The following DMD variants were observed in gnomAD, a reference collection of about 807,000 sequenced individuals.
The protein encoded by DMD is mutant dystrophin.
A neutral mutation model predicts 330.1 loss-of-function variants in DMD; 63 were observed. The ratio of observed to expected loss-of-function variants is 0.19; its 90% CI spans 0.16 to 0.24. The LOEUF (loss-of-function observed/expected upper bound fraction) is 0.24. Ranked by LOEUF, DMD falls within the 10% of genes least tolerant of loss-of-function variation. The probability of loss-of-function intolerance (pLI) is 1.00; values close to 1 mark genes in which losing one functional copy is unlikely to be tolerated. For synonymous variants in DMD, 1,223 were observed against 959.8 expected, an observed-to-expected ratio of 1.27 and a Z score of -5.07; for missense variants, 3,344 against 2,684.1, an observed-to-expected ratio of 1.25 and a Z score of -5.43.
intron 62 of DMD, among the ~76,000 whole-genome samples, chrX:31,308,110 T>G (rs1377442833): frequency 9.0e-6 from 1 of 111,724 alleles, no homozygotes; most frequent in Non-Finnish European, 1.9e-5. Flanking sequence ...CAGGCAGTAA[T>G]GTTCACTTGC....
intron 44 of DMD, among the ~76,000 whole-genome samples, chrX:32,038,533 T>A (rs1016130727): frequency 2.7e-5 from 3 of 110,858 alleles, no homozygotes; most frequent in African/African-American, 9.8e-5. Context: ...AGGGACAAAG[T>A]CAATTAGAGG....
At chrX:32,952,862 C>T (rs1023455825) in intron 2 of DMD, among the ~76,000 whole-genome samples, 4 of 110,215 alleles carry the variant, frequency 3.6e-5, no homozygotes, top group African/African-American at 1.3e-4. Flanking sequence ...GGGCTGGGTG[C>T]GGTGGCTCAC....
At chrX:33,032,030 C>T (rs927218258) in intron 1 of DMD, among the ~76,000 whole-genome samples, 1 of 111,650 alleles carries the variant, frequency 9.0e-6, no homozygotes, top group Non-Finnish European at 1.9e-5. Flanking sequence ...TGGTAGTTTA[C>T]ATTATTTGCT....
chrX:32,581,020 T>C (rs1391949759), intron 13 of DMD, among the ~76,000 whole-genome samples: 1 of 110,952 alleles, frequency 9.0e-6, no homozygotes, highest in Non-Finnish European at 1.9e-5. Context: ...GAGATGGGGT[T>C]TCACCATGTT....
At chrX:32,253,419 G>A (rs904050560) in intron 43 of DMD, among the ~76,000 whole-genome samples, 1 of 110,331 alleles carries the variant, frequency 9.1e-6, no homozygotes. Context: ...GCTACATAGG[G>A]CATATGGCAG....
rs1263325852 is a variant in DMD at position 32,328,426 on chromosome X, A to C, written c.5922+13674T>G. Reference sequence around the variant, plus strand: ...ACCCTAATTCTACTCTTTTTTGTGTATTTTGTCTTGTTTTTGCTCCTCACA... The same window carrying C: ...ACCCTAATTCTACTCTTTTTTGTGTCTTTTGTCTTGTTTTTGCTCCTCACA... On this transcript the variant is annotated intron_variant, in intron 41 of 78. Coordinates refer to ENST00000357033, the MANE Select transcript of DMD (RefSeq NM_004006.3). Among the ~76,000 whole-genome samples the C allele has an allele frequency of 2.7e-5, 3 of 111,631 alleles. No individual in the cohort carries two copies. In the Admixed American group the frequency reaches 2.9e-4, roughly 11 times the overall value.
At chrX:32,922,501 G>A (rs1198022012) in intron 2 of DMD, among the ~76,000 whole-genome samples, 1 of 112,297 alleles carries the variant, frequency 8.9e-6, no homozygotes, top group Non-Finnish European at 1.9e-5. Flanking sequence ...TTTTTTCACA[G>A]ACTTGGGCTG....
chrX:32,534,345 C>T (rs1432488854), intron 17 of DMD, among the ~76,000 whole-genome samples: 3 of 111,271 alleles, frequency 2.7e-5, no homozygotes, highest in African/African-American at 3.3e-5. Flanking sequence ...ATCATGGGAG[C>T]GGATCCCTCA....
intron 44 of DMD, chrX:32,206,811 C>T (rs1443867946): frequency 2.1e-5 from 8 of 377,940 alleles, no homozygotes; most frequent in Non-Finnish European, 3.4e-5. Context: ...ATCTGGCTGT[C>T]GTTTTGATAA....
intron 63 of DMD, among the ~76,000 whole-genome samples, chrX:31,249,320 C>A (rs1430102121): frequency 4.5e-5 from 5 of 111,384 alleles, no homozygotes; most frequent in African/African-American, 1.6e-4. Context: ...TGGCTCACTG[C>A]AACCCGTGCC....
At chrX:32,177,249 G>T (rs746351174) in intron 44 of DMD, among the ~76,000 whole-genome samples, 2 of 111,820 alleles carry the variant, frequency 1.8e-5, no homozygotes, top group Admixed American at 1.9e-4. Flanking sequence ...TTCAGCGAAA[G>T]AAGTCTCTGA....
At chrX:32,628,519 C>T (rs1290401727) in intron 11 of DMD, among the ~76,000 whole-genome samples, 2 of 108,043 alleles carry the variant, frequency 1.9e-5, no homozygotes, top group Admixed American at 1.0e-4. Context: ...TAATGTATTT[C>T]AGCTCTGTTC....
intron 43 of DMD, among the ~76,000 whole-genome samples, chrX:32,244,955 C>T (rs1194491146): frequency 1.4e-5 from 1 of 73,849 alleles, no homozygotes; most frequent in Non-Finnish European, 2.4e-5. Flanking sequence ...TGCAGAAGCT[C>T]TTTAGTTTAA....
intron 27 of DMD, among the ~76,000 whole-genome samples, chrX:32,446,378 C>A (rs1332441409): frequency 9.2e-6 from 1 of 108,227 alleles, no homozygotes; most frequent in African/African-American, 3.3e-5. Flanking sequence ...CAAAAAATTT[C>A]AAAAGACAAA....
chrX:32,752,301 C>T (rs762168143), intron 7 of DMD, among the ~76,000 whole-genome samples: 2 of 111,161 alleles, frequency 1.8e-5, no homozygotes, highest in Admixed American at 9.6e-5. Context: ...CCACGTGAAC[C>T]CCTCTCTTGC....
chrX:33,176,109 G>T (rs766353214), intron 1 of DMD, among the ~76,000 whole-genome samples: 1 of 111,205 alleles, frequency 9.0e-6, no homozygotes, highest in African/African-American at 3.3e-5. Flanking sequence ...AGGAACAAAG[G>T]GTAACAATAA....
chrX:31,760,564 T>C (rs1349691031), intron 51 of DMD, among the ~76,000 whole-genome samples: 1 of 111,988 alleles, frequency 8.9e-6, no homozygotes, highest in Non-Finnish European at 1.9e-5. Flanking sequence ...CTAGGAGCAA[T>C]AGGCTATACC....
chrX:32,850,110 A>G (rs1260767912), intron 2 of DMD, among the ~76,000 whole-genome samples: 1 of 111,997 alleles, frequency 8.9e-6, no homozygotes, highest in Non-Finnish European at 1.9e-5. Flanking sequence ...TGAAGGAGAG[A>G]AAAAATACAG....
chrX:32,033,598 AC>A (rs2095905032), intron 44 of DMD, among the ~76,000 whole-genome samples: 1 of 33,391 alleles, frequency 3.0e-5, no homozygotes, highest in Non-Finnish European at 5.2e-5. Flanking sequence ...AGACAGACAG[AC>A]AGACAGAAAG....
Sources: allele counts gnomAD v4.1 joint callset (sites outside exome capture counted in the v4.1 genomes callset), GRCh38; gene constraint gnomAD v4.1.1; transcripts MANE v1.5; gene names NCBI Gene and HGNC (gene_info 2026-07-23, HGNC 2026-07-21).